The following PRKCB variants were observed in gnomAD, a reference collection of about 807,000 sequenced individuals.
PRKCB encodes protein kinase C beta type.
Under a neutral mutation model 81.5 loss-of-function variants are expected in PRKCB, and 13 were observed. The observed-to-expected ratio is 0.16, with a 90% CI of 0.10 to 0.25. The LOEUF is 0.25. Among genes scored for constraint, PRKCB ranks in the 10% least tolerant of loss-of-function variants. The pLI, the probability that PRKCB is intolerant of heterozygous loss-of-function variation, is 1.00. For synonymous variants in PRKCB, 335 were observed against 321.4 expected (o/e 1.04, Z -0.45); for missense variants, 509 against 875.7 (o/e 0.58, Z 5.29).
intron 2 of PRKCB, among the ~76,000 whole-genome samples, chr16:23,881,373 C>T (rs1464887787): frequency 1.3e-5 from 2 of 151,956 alleles, no homozygotes; most frequent in African/African-American, 2.4e-5. Flanking sequence ...CCGCCTCAGC[C>T]TCCCAAGTAG....
chr16:23,927,607 T>C (rs1963914401), intron 2 of PRKCB, among the ~76,000 whole-genome samples: 1 of 151,956 alleles, frequency 6.6e-6, no homozygotes, highest in Non-Finnish European at 1.5e-5. Flanking sequence ...GTGGTAGTAA[T>C]CTAGGCAGGA....
At chr16:23,873,206 A>G (rs1395734410) in intron 2 of PRKCB, among the ~76,000 whole-genome samples, 12 of 140,200 alleles carry the variant, frequency 8.6e-5, no homozygotes, top group African/African-American at 2.8e-4. Context: ...AAAAAAAAAA[A>G]AAAGAAAAAA....
At chr16:24,191,346 T>C in intron 16 of PRKCB, 116 bp downstream of exon 16, 3 of 1,193,756 alleles carry the variant, frequency 2.5e-6, no homozygotes, top group African/African-American at 1.5e-5. Context: ...TACTGGAACA[T>C]GGGTGTATGT....
intron 2 of PRKCB, among the ~76,000 whole-genome samples, chr16:23,890,618 G>C (rs1963278663): frequency 6.6e-6 from 1 of 152,094 alleles, no homozygotes; most frequent in South Asian, 2.1e-4. Flanking sequence ...CCTAATGCCC[G>C]TGCCATCAAC....
chr16:23,974,871 C>T (rs552993461), intron 2 of PRKCB, among the ~76,000 whole-genome samples: 25 of 152,240 alleles, frequency 1.6e-4, no homozygotes, highest in African/African-American at 5.8e-4. Context: ...GTGACACCAT[C>T]GGGAGGAATC....
intron 3 of PRKCB, among the ~76,000 whole-genome samples, chr16:24,003,466 C>A (rs907757210): frequency 1.3e-5 from 2 of 151,468 alleles, no homozygotes; most frequent in East Asian, 1.9e-4. Flanking sequence ...CTCACTGCAA[C>A]CTCTGCCTCC....
rs1333717623 is a variant in PRKCB, at chr16:24,217,167, A to C, written c.*2351A>C. ...AAGGAAGGAAAGAAGGAAGGAAAAGAAGGAAGGAAGGAAGGAATATAGTGT... is the reference window on the plus strand; with the variant it reads ...AAGGAAGGAAAGAAGGAAGGAAAAGCAGGAAGGAAGGAAGGAATATAGTGT... On this transcript the variant is annotated 3_prime_UTR_variant, in exon 17 of 17. Transcript: ENST00000643927. The C allele has an allele frequency of 1.0e-5, 10 of 978,222 alleles. No homozygotes were observed. The highest frequency in any genetic ancestry group is 1.2e-5 in the Non-Finnish European group (10 of 823,634). 60.6% of individuals were successfully genotyped at this position (978,222 alleles called of 1,614,324 possible). A position where few individuals can be genotyped will look rare whatever the true frequency, so the allele number is the denominator to read the frequency against.
intron 3 of PRKCB, among the ~76,000 whole-genome samples, chr16:23,990,901 C>T (rs1964877787): frequency 6.6e-6 from 1 of 152,216 alleles, no homozygotes; most frequent in African/African-American, 2.4e-5. Context: ...GAAGGCTTTC[C>T]ACCATGCACA....
chr16:24,174,781 C>T (rs1277129216), intron 12 of PRKCB: 3 of 493,004 alleles, frequency 6.1e-6, no homozygotes, highest in Non-Finnish European at 7.3e-6. Context: ...GGTAGAAAAT[C>T]TCGGTGGACT....
intron 2 of PRKCB, among the ~76,000 whole-genome samples, chr16:23,888,630 G>A (rs62028077): frequency 0.03 from 4,624 of 152,058 alleles, 107 homozygotes; most frequent in South Asian, 0.064. Flanking sequence ...GGCCATAACC[G>A]CTAGTTTATC....
chr16:23,978,361 C>T (rs1964651691), intron 2 of PRKCB, among the ~76,000 whole-genome samples: 2 of 152,138 alleles, frequency 1.3e-5, no homozygotes, highest in East Asian at 1.9e-4. Context: ...CAGGCATTTG[C>T]GTTTGTCACC....
rs141016916 is a variant in PRKCB at position 24,139,316 on chromosome 16, C to T, written c.1065+15335C>T. On this transcript the variant is annotated intron_variant, in intron 9 of 16. Transcript: ENST00000643927. ...AATTCTACTGGTATCAACAATTAGACGACACAGCCCAGAGTGTGAAAATAG... is the reference window on the plus strand; with the variant it reads ...AATTCTACTGGTATCAACAATTAGATGACACAGCCCAGAGTGTGAAAATAG... Among the ~76,000 whole-genome samples, 1,519 of 152,258 alleles carry T rather than the reference C, an allele frequency of 1.0e-2. 14 individuals are homozygous for T. The highest frequency in any genetic ancestry group is 0.02 in the Middle Eastern group (6 of 294).
At chr16:24,185,264 C>A in intron 14 of PRKCB, 73 bp downstream of exon 14, 1 of 1,426,384 alleles carries the variant, frequency 7.0e-7, no homozygotes, top group Non-Finnish European at 9.8e-7. Flanking sequence ...TAGGAGAATG[C>A]ATGTTTGGTA....
At chr16:24,057,660 G>T (rs1965921432) in intron 5 of PRKCB, among the ~76,000 whole-genome samples, 2 of 152,152 alleles carry the variant, frequency 1.3e-5, no homozygotes, top group South Asian at 4.1e-4. Flanking sequence ...GCTGTGGGAG[G>T]TGCCAGGGGA....
In PRKCB at chr16:24,094,419, G is replaced by T. The variant is rs1966413929; in HGVS notation, c.821+122G>T. 1.8e-5 allele frequency: 24 copies of T among 1,307,894 alleles called. No individual in the cohort carries two copies. In the South Asian group the frequency reaches 3.1e-4, roughly 17 times the overall value. The allele number at this position is 1,307,894 out of a possible 1,614,324, so 81.0% of individuals were successfully genotyped here. A position where few individuals can be genotyped will look rare whatever the true frequency, so the allele number is the denominator to read the frequency against. ...AAACAGAGTCCCAAAGTGAAGTCTGGTTGATTGGATCTGCCTTGCAGATAT... is the reference window on the plus strand; with the variant it reads ...AAACAGAGTCCCAAAGTGAAGTCTGTTTGATTGGATCTGCCTTGCAGATAT... On this transcript the variant is annotated intron_variant, in intron 7 of 16. Coordinates refer to ENST00000643927, the MANE Select transcript of PRKCB (RefSeq NM_002738.7).
chr16:23,935,908 C>G (rs754058012), intron 2 of PRKCB, among the ~76,000 whole-genome samples: 1 of 152,148 alleles, frequency 6.6e-6, no homozygotes, highest in Non-Finnish European at 1.5e-5. Context: ...AACTACCTGT[C>G]GAGCACTGTG....
Position 24,217,131 on chromosome 16 carries a change from A to G in PRKCB, c.*2315A>G, listed in dbSNP as rs532699839. The G allele has an allele frequency of 9.2e-6, 9 of 983,274 alleles. No homozygotes were observed. In the East Asian group the frequency reaches 1.0e-3, roughly 112 times the overall value. The allele number at this position is 983,274 out of a possible 1,614,324, so 60.9% of individuals were successfully genotyped here. On this transcript the variant is annotated 3_prime_UTR_variant, in exon 17 of 17. Coordinates refer to ENST00000643927, the MANE Select transcript of PRKCB (RefSeq NM_002738.7). ...AAGAAAAAGAAAGAAGGAAAGAAAG[A>G]AAGAGAAAGGAAGGAAGGAAAGAAG...
Position 24,217,813 on chromosome 16 carries a change from CT to C in PRKCB, c.*3001del. The C allele has an allele frequency of 1.0e-6, 1 of 985,438 alleles. No individual in the cohort carries two copies. Among genetic ancestry groups the C allele is most frequent in the Non-Finnish European group, 1.2e-6 (1 of 829,952 alleles). 61.0% of individuals were successfully genotyped at this position (985,438 alleles called of 1,614,324 possible). On this transcript the variant is annotated 3_prime_UTR_variant, in exon 17 of 17. Transcript: ENST00000643927. ...GTCTTCTAGCTCCAAATATACCTGC[CT>C]TTTAGCTCACACACTGTCCTGGAGT... is the stretch of plus-strand genomic sequence containing the variant.
chr16:23,847,899 A>G (rs1284277714), intron 2 of PRKCB, among the ~76,000 whole-genome samples: 1 of 152,224 alleles, frequency 6.6e-6, no homozygotes, highest in African/African-American at 2.4e-5. Flanking sequence ...TACACCAAGA[A>G]TGTAAAAACA....
Sources: allele counts gnomAD v4.1 joint callset (sites outside exome capture counted in the v4.1 genomes callset), GRCh38; gene constraint gnomAD v4.1.1; transcripts MANE v1.5; gene names NCBI Gene and HGNC (gene_info 2026-07-23, HGNC 2026-07-21).